The following PGLYRP4 variants were observed in gnomAD, a reference collection of about 807,000 sequenced individuals.
PGLYRP4 encodes PGRP-I-beta.
In PGLYRP4, 39 loss-of-function variants were observed where a neutral mutation model predicts 41.2. The ratio of observed to expected loss-of-function variants is 0.95; its 90% confidence interval spans 0.73 to 1.24. The LOEUF is 1.24. Ranked by LOEUF, PGLYRP4 falls within the 50% of genes most tolerant of loss-of-function variation. PGLYRP4 has a pLI of 0.00. For missense variants in PGLYRP4, 467 were observed against 460.7 expected, an observed-to-expected ratio of 1.01 and a Z score of -0.13; for synonymous variants, 202 against 186.8, an observed-to-expected ratio of 1.08 and a Z score of -0.66.
At position 153,336,736 on chromosome 1, in the gene PGLYRP4, GA is replaced by G. The variant is rs561595199; in HGVS notation, c.943+444del. ...TTGTAGCCCCTAAATCTATAAAAATGAAAAAAAAAGTAAAATAGAGCTCTGA... is the reference window on the plus strand; with the variant it reads ...TTGTAGCCCCTAAATCTATAAAAATGAAAAAAAAGTAAAATAGAGCTCTGA... On this transcript the variant is annotated intron_variant, in intron 8 of 8. Coordinates refer to ENST00000359650, the MANE Select transcript of PGLYRP4 (RefSeq NM_020393.4). Among the ~76,000 whole-genome samples, 1,177 of 150,852 alleles carry G rather than the reference GA, an allele frequency of 7.8e-3. 17 individuals carry two copies. Among genetic ancestry groups the G allele is most frequent in the African/African-American group, 0.027 (1,106 of 41,122 alleles).
At chr1:153,336,942 A>G (rs1405043928) in intron 8 of PGLYRP4, among the ~76,000 whole-genome samples, 11 of 152,204 alleles carry the variant, frequency 7.2e-5, no homozygotes, top group Admixed American at 6.5e-4. Context: ...CATGTTCCTT[A>G]CATATTGGAA....
chr1:153,345,015 TG>T, intron 4 of PGLYRP4, 153 bp downstream of exon 4: 1 of 622,590 alleles, frequency 1.6e-6, no homozygotes, highest in South Asian at 2.0e-5. Context: ...TCCAAAGGAT[TG>T]GGAGTTTCAT....
intron 5 of PGLYRP4, 88 bp downstream of exon 5, chr1:153,343,002 A>T: frequency 1.4e-6 from 1 of 736,876 alleles, no homozygotes. Context: ...AAGACAGCAG[A>T]GTAGCAGATA....
intron 5 of PGLYRP4, among the ~76,000 whole-genome samples, chr1:153,342,260 T>C (rs575901364): frequency 7.9e-5 from 12 of 152,308 alleles, no homozygotes; most frequent in Admixed American, 4.6e-4. Context: ...AAATGAGTAG[T>C]CATGAAAACA....
intron 5 of PGLYRP4, among the ~76,000 whole-genome samples, chr1:153,342,582 G>A (rs1660844435): frequency 1.3e-5 from 2 of 152,242 alleles, no homozygotes; most frequent in African/African-American, 2.4e-5. Context: ...GTGGCAAGGG[G>A]CCTTGGAGCA....
chr1:153,346,127 C>T lies in PGLYRP4; in HGVS notation c.114G>A (p.Glu38=), dbSNP rs771749338. 1.9e-6 allele frequency: 3 copies of T among 1,613,830 alleles called. No individual in the cohort carries two copies. The highest frequency in any genetic ancestry group is 4.5e-5 in the East Asian group (2 of 44,882). ...QVSEGLQYLF[E]NISQLTEKGL... The stretch of plus-strand genomic sequence containing the variant: ...CTTTTTCAGTGAGCTGGGAGATGTT[C>T]TCAAATAGGTACTGGAGCCCCTCTG... Residue 38 remains glutamate, a synonymous_variant, in exon 3 of 9, where the codon GAG becomes GAA. Transcript: ENST00000359650.
chr1:153,345,029 G>T, intron 4 of PGLYRP4, 140 bp downstream of exon 4: 1 of 651,964 alleles, frequency 1.5e-6, no homozygotes, highest in Non-Finnish European at 2.6e-6. Flanking sequence ...AGTTTCATGG[G>T]GGTTTTAAAT....
intron 8 of PGLYRP4, among the ~76,000 whole-genome samples, chr1:153,332,900 T>A (rs1463422448): frequency 1.3e-5 from 2 of 152,090 alleles, no homozygotes; most frequent in African/African-American, 4.8e-5. Context: ...GATGGAATGT[T>A]ACAGCATCAA....
intron 2 of PGLYRP4, among the ~76,000 whole-genome samples, chr1:153,346,393 A>G (rs1003500702): frequency 1.3e-5 from 2 of 152,098 alleles, no homozygotes; most frequent in African/African-American, 4.8e-5. Flanking sequence ...TTCCATGCCA[A>G]CTCTGGGAAA....
At chr1:153,336,080 G>A (rs1660548555) in intron 8 of PGLYRP4, among the ~76,000 whole-genome samples, 2 of 151,470 alleles carry the variant, frequency 1.3e-5, no homozygotes, top group East Asian at 1.9e-4. Context: ...GTACACCATA[G>A]AATACTATTC....
intron 8 of PGLYRP4, among the ~76,000 whole-genome samples, chr1:153,332,987 CAA>C (rs752208836): frequency 1.4e-4 from 21 of 150,476 alleles, no homozygotes; most frequent in Non-Finnish European, 2.5e-4. Flanking sequence ...AAATCTAGAA[CAA>C]AAAAAACCCA....
intron 2 of PGLYRP4, among the ~76,000 whole-genome samples, chr1:153,347,532 C>G (rs933811085): frequency 1.3e-5 from 2 of 151,482 alleles, no homozygotes; most frequent in Non-Finnish European, 2.9e-5. Context: ...TGCCACCACA[C>G]CCAGCTAATT....
At chr1:153,348,367 T>A (rs949041564) in intron 1 of PGLYRP4, among the ~76,000 whole-genome samples, 161 bp downstream of exon 1, 15 of 152,168 alleles carry the variant, frequency 9.9e-5, no homozygotes, top group African/African-American at 2.9e-4. Context: ...ATGCAGAGAA[T>A]CCCTTCCCAG....
Position 153,330,676 on chromosome 1 carries a change from G to A in PGLYRP4, c.*91C>T. 9.2e-7 allele frequency: 1 copy of A among 1,084,026 alleles called. No individual in the cohort carries two copies. The highest frequency in any genetic ancestry group is 2.7e-4 in the Middle Eastern group (1 of 3,732). The allele number at this position is 1,084,026 out of a possible 1,614,324, so 67.2% of individuals were successfully genotyped here. ...CACAGGACTGTGTGGCAGGGGAGGA[G>A]GGCAAAAGGTGTTGAGCCAAGCTGG... On this transcript the variant is annotated 3_prime_UTR_variant, in exon 9 of 9. Coordinates refer to ENST00000359650, the MANE Select transcript of PGLYRP4 (RefSeq NM_020393.4).
At chr1:153,344,797 C>T (rs1660933094) in intron 4 of PGLYRP4, among the ~76,000 whole-genome samples, 1 of 152,172 alleles carries the variant, frequency 6.6e-6, no homozygotes, top group Non-Finnish European at 1.5e-5. Context: ...ATCAGCCTCC[C>T]TCCCTTGGGC....
At chr1:153,345,472 G>A in intron 3 of PGLYRP4, 90 bp from the exon 4 acceptor site, 1 of 1,174,728 alleles carries the variant, frequency 8.5e-7, no homozygotes, top group Non-Finnish European at 1.3e-6. Flanking sequence ...TCGGCCCCTT[G>A]GTAGTGGAAG....
At chr1:153,345,145 G>T (rs201774286) in intron 4 of PGLYRP4, 24 bp downstream of exon 4, 14 of 1,576,032 alleles carry the variant, frequency 8.9e-6, no homozygotes, top group Non-Finnish European at 8.7e-6. Context: ...ACCATGTGCC[G>T]TGGGACCCAG....
In PGLYRP4 at chr1:153,337,224, G is replaced by C; in HGVS notation, c.900C>G (p.Tyr300Ter). The C allele has an allele frequency of 6.2e-7, 1 of 1,613,848 alleles. No homozygotes were observed. The highest frequency in any genetic ancestry group is 8.5e-7 in the Non-Finnish European group (1 of 1,179,846). Reference protein sequence around the residue: ...WNVQGSSTPGYDDIALGITFM... With the variant: ...WNVQGSSTPG Reference sequence around the variant, plus strand: ...AGGTAATGCCCAGGGCAATGTCATCGTAGCCAGGGGTGGAGGAGCCTTGGA... The same window carrying C: ...AGGTAATGCCCAGGGCAATGTCATCCTAGCCAGGGGTGGAGGAGCCTTGGA... Residue 300 changes from tyrosine (Y) to a stop codon, truncating the protein, a stop_gained, in exon 8 of 9, where the codon TAC becomes TAG. Transcript: ENST00000359650. LOFTEE classifies it high-confidence loss of function.
In PGLYRP4 at chr1:153,330,153, C is replaced by T. The variant is rs946855380; in HGVS notation, c.*614G>A. ...TCTTCATTCATTTATTCATCCATTTCTCTAATAAACATCAGTAGAACCCAT... is the reference window on the plus strand; with the variant it reads ...TCTTCATTCATTTATTCATCCATTTTTCTAATAAACATCAGTAGAACCCAT... On this transcript the variant is annotated 3_prime_UTR_variant, in exon 9 of 9. Transcript: ENST00000359650. 1 of 152,172 alleles carries T rather than the reference C, an allele frequency of 6.6e-6. No individual in the cohort carries two copies. The highest frequency in any genetic ancestry group is 2.4e-5 in the African/African-American group (1 of 41,438). 9.4% of individuals were successfully genotyped at this position (152,172 alleles called of 1,614,324 possible).
Sources: gnomAD v4.1 joint callset for allele counts (sites outside exome capture counted in the v4.1 genomes callset) on GRCh38, gnomAD v4.1.1 for gene constraint, MANE v1.5 for transcripts, NCBI Gene and HGNC (gene_info 2026-07-23, HGNC 2026-07-21) for gene names.